ZBTB20: variants seen among roughly 807,000 people sequenced by gnomAD.
ZBTB20 encodes the protein zinc finger and BTB domain containing 20.
ZBTB20 carries 9 observed loss-of-function variants against 56.9 expected under a neutral mutation model. That is an observed-to-expected ratio of 0.16 (90% CI 0.10 to 0.28). The LOEUF (loss-of-function observed/expected upper bound fraction) is 0.28, where lower values mean the gene tolerates loss of function less well. Ranked by LOEUF, ZBTB20 falls within the 10% of genes least tolerant of loss-of-function variation. ZBTB20 has a pLI of 1.00. For missense variants in ZBTB20, 655 were observed against 1,003.0 expected (o/e 0.65, Z 4.69); for synonymous variants, 417 against 420.7 (o/e 0.99, Z 0.11).
chr3:114,609,135 C>G lies in ZBTB20; in HGVS notation c.-295+84393G>C, dbSNP rs142821664. ...CTTCCACTTACCATTTAGAAAGGCA[C>G]AGTCAGAAACACCATCTAAGATGAG... On this transcript the variant is annotated intron_variant, in intron 6 of 11. Transcript: ENST00000675478. Among the ~76,000 whole-genome samples, 7 of 152,176 alleles carry G rather than the reference C, an allele frequency of 4.6e-5. No individual in the cohort carries two copies. The South Asian group carries it at 1.2e-3, about 27-fold the overall frequency.
chr3:114,705,723 A>ATAG (rs1210313153), intron 5 of ZBTB20, among the ~76,000 whole-genome samples: 1 of 152,188 alleles, frequency 6.6e-6, no homozygotes, highest in Non-Finnish European at 1.5e-5. Flanking sequence ...ATCTCTTCAG[A>ATAG]TAGTAACCAG....
chr3:114,730,220 G>A (rs2065634228), intron 5 of ZBTB20, among the ~76,000 whole-genome samples: 1 of 152,030 alleles, frequency 6.6e-6, no homozygotes, highest in African/African-American at 2.4e-5. Flanking sequence ...GTGTGTGTGT[G>A]TGTATGTGTG....
intron 7 of ZBTB20, among the ~76,000 whole-genome samples, chr3:114,496,875 G>A (rs942267705): frequency 6.6e-6 from 1 of 152,192 alleles, no homozygotes; most frequent in African/African-American, 2.4e-5. Context: ...GAAGAGACAA[G>A]CAGGACACTG....
chr3:115,090,513 T>C (rs1358177958), intron 1 of ZBTB20, among the ~76,000 whole-genome samples: 1 of 151,710 alleles, frequency 6.6e-6, no homozygotes, highest in Non-Finnish European at 1.5e-5. Context: ...AAAATCAAAA[T>C]GGGAAATAGA....
At chr3:114,817,254 T>C (rs1303581127) in intron 4 of ZBTB20, among the ~76,000 whole-genome samples, 3 of 150,272 alleles carry the variant, frequency 2.0e-5, no homozygotes, top group Non-Finnish European at 4.4e-5. Context: ...CGTGGTGGCT[T>C]ACGCCTGTAA....
chr3:114,361,325 C>T (rs1281474021), intron 10 of ZBTB20, among the ~76,000 whole-genome samples: 2 of 152,168 alleles, frequency 1.3e-5, no homozygotes, highest in Non-Finnish European at 2.9e-5. Context: ...TCTTATCATC[C>T]CCATGAACCT....
At chr3:114,907,818 A>G (rs1402376252) in intron 3 of ZBTB20, among the ~76,000 whole-genome samples, 1 of 151,968 alleles carries the variant, frequency 6.6e-6, no homozygotes, top group Non-Finnish European at 1.5e-5. Flanking sequence ...AACAAAATAG[A>G]TGGAAATTTC....
At chr3:114,920,852 A>G (rs1459810137) in intron 3 of ZBTB20, among the ~76,000 whole-genome samples, 1 of 152,120 alleles carries the variant, frequency 6.6e-6, no homozygotes, top group Non-Finnish European at 1.5e-5. Flanking sequence ...TAGATTACCC[A>G]AGGAAAAAAA....
intron 7 of ZBTB20, among the ~76,000 whole-genome samples, chr3:114,415,779 G>A (rs73241529): frequency 0.028 from 4,271 of 152,152 alleles, 80 homozygotes; most frequent in Non-Finnish European, 0.04. Flanking sequence ...AACTTAAAAC[G>A]TGGGTCTCAC....
intron 6 of ZBTB20, among the ~76,000 whole-genome samples, chr3:114,589,736 AAC>A (rs1421463551): frequency 6.6e-6 from 1 of 152,214 alleles, no homozygotes; most frequent in African/African-American, 2.4e-5. Context: ...CCAACCTGTG[AAC>A]ACTCTTTAGC....
intron 6 of ZBTB20, among the ~76,000 whole-genome samples, chr3:114,683,694 G>A (rs1332070246): frequency 2.0e-5 from 3 of 151,904 alleles, no homozygotes; most frequent in Non-Finnish European, 4.4e-5. Context: ...ATTAAGCCCT[G>A]GGGGCTTAAT....
intron 4 of ZBTB20, among the ~76,000 whole-genome samples, chr3:114,857,606 C>T (rs1271276839): frequency 6.6e-6 from 1 of 152,100 alleles, no homozygotes; most frequent in Non-Finnish European, 1.5e-5. Context: ...ACATCTCCTC[C>T]CTGGTTCAAT....
intron 7 of ZBTB20, among the ~76,000 whole-genome samples, chr3:114,488,024 C>T (rs909641247): frequency 1.3e-5 from 2 of 152,170 alleles, no homozygotes; most frequent in Admixed American, 6.5e-5. Flanking sequence ...TAAGGCAGAG[C>T]GCTGATGATA....
At chr3:114,489,252 T>G (rs1259652675) in intron 7 of ZBTB20, among the ~76,000 whole-genome samples, 1 of 152,158 alleles carries the variant, frequency 6.6e-6, no homozygotes, top group African/African-American at 2.4e-5. Context: ...TCCAATATGA[T>G]CTTCAGTCAT....
intron 1 of ZBTB20, among the ~76,000 whole-genome samples, chr3:115,143,067 A>T (rs914294123): frequency 1.2e-4 from 18 of 152,372 alleles, no homozygotes; most frequent in Middle Eastern, 6.8e-3. Flanking sequence ...AGGTTTTGGA[A>T]AGGTGAGACA....
In ZBTB20 at chr3:114,992,015, TC is replaced by T. The variant is rs557290147; in HGVS notation, c.-506-17600del. On this transcript the variant is annotated intron_variant, in intron 2 of 11. Transcript: ENST00000675478. ...ATGTGTCTATGCACGTTCTTATCTC[TC>T]TTTCTCTCCTAAACTTTTTTTTTGT... Among the ~76,000 whole-genome samples the T allele has an allele frequency of 5.9e-5, 9 of 151,994 alleles. No homozygotes were observed. The South Asian group carries it at 8.3e-4, about 14-fold the overall frequency.
At chr3:114,777,989 G>A (rs1424737112) in intron 5 of ZBTB20, among the ~76,000 whole-genome samples, 16 of 149,180 alleles carry the variant, frequency 1.1e-4, no homozygotes, top group South Asian at 6.4e-4. Context: ...GCAAACTATC[G>A]CAAAGACAAA....
chr3:114,720,160 A>T (rs1303634099), intron 5 of ZBTB20, among the ~76,000 whole-genome samples: 1 of 149,310 alleles, frequency 6.7e-6, no homozygotes, highest in Non-Finnish European at 1.5e-5. Context: ...CTTATCATAT[A>T]TTACTTTTGA....
At chr3:114,638,628 C>G (rs1403995534) in intron 6 of ZBTB20, among the ~76,000 whole-genome samples, 2 of 151,872 alleles carry the variant, frequency 1.3e-5, no homozygotes, top group African/African-American at 4.8e-5. Flanking sequence ...ATATGCTAGA[C>G]TTTTATATGT....
Sources: gnomAD v4.1 joint callset for allele counts (sites outside exome capture counted in the v4.1 genomes callset) on GRCh38, gnomAD v4.1.1 for gene constraint, MANE v1.5 for transcripts, NCBI Gene and HGNC (gene_info 2026-07-23, HGNC 2026-07-21) for gene names.